MBNL3: variants seen among roughly 807,000 people sequenced by gnomAD.
The protein encoded by MBNL3 is muscleblind-like protein 3.
In MBNL3, 6 loss-of-function variants were observed where a neutral mutation model predicts 24.5. The ratio of observed to expected loss-of-function variants is 0.25; its 90% confidence interval spans 0.13 to 0.48. The LOEUF (loss-of-function observed/expected upper bound fraction) is 0.48. MBNL3 is among the 20% of genes least tolerant of loss of function. The pLI is 0.99. For missense variants in MBNL3, 230 were observed against 293.5 expected, an observed-to-expected ratio of 0.78 and a Z score of 1.58; for synonymous variants, 100 against 101.7, an observed-to-expected ratio of 0.98 and a Z score of 0.10.
At chrX:132,405,201 T>G (rs746212081) in intron 3 of MBNL3, among the ~76,000 whole-genome samples, 3 of 112,099 alleles carry the variant, frequency 2.7e-5, no homozygotes, top group Non-Finnish European at 5.6e-5. Context: ...TCTTACTAAT[T>G]TCTGCATAGG....
chrX:132,392,317 A>G lies in MBNL3; in HGVS notation c.360T>C (p.Thr120=), dbSNP rs779840141. 1.3e-5 allele frequency: 15 copies of G among 1,198,291 alleles called. No homozygotes were observed. In the East Asian group the frequency reaches 4.2e-4, roughly 33 times the overall value. The change falls in exon 4 of 9, where the codon ACT becomes ACC. Residue 120 remains threonine, a synonymous_variant. Coordinates refer to ENST00000370853, the MANE Select transcript of MBNL3 (RefSeq NM_001386889.1). ...TGGGAGGATTAGCTGGAATTGATGG[A>G]GTCATAGGAAAAGAACCCTGTATGT... ...QMSSLGSFPM[T]PSIPANPPMA...
rs962502220 is a variant in MBNL3, at chrX:132,371,082, G to C, written c.*8584C>G. The stretch of plus-strand genomic sequence containing the variant: ...TAGTGCTGGTATTATCAGACTCACA[G>C]AAACACCTACAAAACATTAAACGGC... On this transcript the variant is annotated 3_prime_UTR_variant, in exon 9 of 9. Coordinates refer to ENST00000370853, the MANE Select transcript of MBNL3 (RefSeq NM_001386889.1). 1 of 111,621 alleles carries C rather than the reference G, an allele frequency of 9.0e-6. No homozygotes were observed. The highest frequency in any genetic ancestry group is 2.8e-4 in the East Asian group (1 of 3,533). 9.2% of individuals were successfully genotyped at this position (111,621 alleles called of 1,213,427 possible).
intron 2 of MBNL3, among the ~76,000 whole-genome samples, chrX:132,410,408 C>T (rs1424323618): frequency 9.0e-6 from 1 of 111,329 alleles, no homozygotes. Flanking sequence ...CTGCAAATTA[C>T]CCTTTGTCAG....
At chrX:132,430,952 A>C (rs1217227075) in intron 2 of MBNL3, 1 of 110,956 alleles carries the variant, frequency 9.0e-6, no homozygotes, top group African/African-American at 3.3e-5. Context: ...AATGTTTTGT[A>C]TAGACAGGGT....
intron 2 of MBNL3, chrX:132,431,867 TAGTG>T (rs752347698): frequency 6.3e-5 from 7 of 111,838 alleles, no homozygotes; most frequent in African/African-American, 2.3e-4. Flanking sequence ...TTTCCTCTGA[TAGTG>T]AGAAAATAGG....
rs1430023176 is a variant in MBNL3, at chrX:132,371,280, A to G, written c.*8386T>C. 1 of 111,849 alleles carries G rather than the reference A, an allele frequency of 8.9e-6. No homozygotes were observed. The highest frequency in any genetic ancestry group is 3.2e-5 in the African/African-American group (1 of 30,803). The allele number at this position is 111,849 out of a possible 1,213,427, so 9.2% of individuals were successfully genotyped here. A position where few individuals can be genotyped will look rare whatever the true frequency, so the allele number is the denominator to read the frequency against. ...CACATCAGTAATACTTTGCTCTGCC[A>G]TAGCCTCTGATCTAAACTCTCTTCA... On this transcript the variant is annotated 3_prime_UTR_variant, in exon 9 of 9. Transcript: ENST00000370853.
At chrX:132,402,630 T>C (rs769993344) in intron 3 of MBNL3, among the ~76,000 whole-genome samples, 74 of 111,818 alleles carry the variant, frequency 6.6e-4, no homozygotes, top group African/African-American at 2.0e-3. Context: ...TTGTTTCACC[T>C]GCTGAACTTC....
intron 1 of MBNL3, among the ~76,000 whole-genome samples, chrX:132,455,808 A>T (rs1376842800): frequency 8.9e-6 from 1 of 112,023 alleles, no homozygotes; most frequent in Non-Finnish European, 1.9e-5. Context: ...TGTAGCTTTA[A>T]ATCCCTGGAG....
At position 132,446,982 on chromosome X, in the gene MBNL3, T is replaced by C. The variant is rs1195837862; in HGVS notation, c.-703-6668A>G. 5.4e-5 allele frequency among the ~76,000 whole-genome samples: 6 copies of C among 111,897 alleles called. No individual in the cohort carries two copies. The South Asian group carries it at 2.2e-3, about 41-fold the overall frequency. Reference sequence around the variant, plus strand: ...TTCTGCATATGGCTAGCCAGTTTTCTCAATACCATTTATTAAATAGGGAAT... The same window carrying C: ...TTCTGCATATGGCTAGCCAGTTTTCCCAATACCATTTATTAAATAGGGAAT... On this transcript the variant is annotated intron_variant, in intron 1 of 8. Coordinates refer to ENST00000370853, the MANE Select transcript of MBNL3 (RefSeq NM_001386889.1).
intron 4 of MBNL3, among the ~76,000 whole-genome samples, chrX:132,391,872 C>T (rs1937225314): frequency 8.9e-6 from 1 of 111,734 alleles, no homozygotes; most frequent in Non-Finnish European, 1.9e-5. Flanking sequence ...AAAGCTGGAG[C>T]CTAGGTAAAA....
At chrX:132,414,513 G>C (rs762875568) in intron 2 of MBNL3, among the ~76,000 whole-genome samples, 1 of 111,548 alleles carries the variant, frequency 9.0e-6, no homozygotes, top group African/African-American at 3.3e-5. Flanking sequence ...CTGGTCAATC[G>C]GGTATAAGAA....
At position 132,382,206 on chromosome X, in the gene MBNL3, G is replaced by A. The variant is rs749280959; in HGVS notation, c.1025C>T (p.Pro342Leu). ...SAATTPATSV[P>L]FAAPTTGNQL... ...ATTGCCTGTAGTTGGTGCAGCGAAC[G>A]GAACGCTGGTGGCAGGTGTTGTTGC... Residue 342 changes from proline (P) to leucine (L), a missense_variant, in exon 8 of 9, where the codon CCG (proline) becomes CTG (leucine). Transcript: ENST00000370853. 5.0e-6 allele frequency: 6 copies of A among 1,209,187 alleles called. No individual in the cohort carries two copies. Among genetic ancestry groups the A allele is most frequent in the African/African-American group, 1.7e-5 (1 of 57,223 alleles).
intron 2 of MBNL3, among the ~76,000 whole-genome samples, chrX:132,435,276 G>A (rs1042426674): frequency 9.0e-6 from 1 of 111,394 alleles, no homozygotes; most frequent in Admixed American, 9.5e-5. Context: ...CCCTTTAAAG[G>A]TTAGCATCAT....
intron 1 of MBNL3, among the ~76,000 whole-genome samples, chrX:132,449,548 T>C (rs1289919812): frequency 9.7e-6 from 1 of 103,280 alleles, no homozygotes; most frequent in East Asian, 3.1e-4. Context: ...TGTGTGTCTC[T>C]GCACATGAGA....
chrX:132,390,839 T>C lies in MBNL3; in HGVS notation c.771+8A>G. On this transcript the variant is annotated splice_region_variant and intron_variant, in intron 5 of 8. Transcript: ENST00000370853. ...TGAAACAGGCCACAAGTGCAGGCCT[T>C]TTCTTACCATGGCAGAGGCAGCTGA... 1.7e-6 allele frequency: 2 copies of C among 1,202,313 alleles called. No homozygotes were observed. The highest frequency in any genetic ancestry group is 1.1e-6 in the Non-Finnish European group (1 of 887,417).
chrX:132,407,581 T>C (rs1350792825), intron 2 of MBNL3, among the ~76,000 whole-genome samples: 1 of 112,158 alleles, frequency 8.9e-6, no homozygotes, highest in Non-Finnish European at 1.9e-5. Flanking sequence ...GTTAACCTAA[T>C]CCTCCTAAAT....
At chrX:132,412,436 C>T (rs938051678) in intron 2 of MBNL3, among the ~76,000 whole-genome samples, 4 of 112,500 alleles carry the variant, frequency 3.6e-5, no homozygotes, top group Non-Finnish European at 7.5e-5. Flanking sequence ...CCTGAAGCTA[C>T]TAAGACAAAG....
rs1933601707 is a variant in MBNL3 at position 132,371,418 on chromosome X, T to G, written c.*8248A>C. 8.9e-6 allele frequency: 1 copy of G among 112,412 alleles called. No homozygotes were observed. Among genetic ancestry groups the G allele is most frequent in the African/African-American group, 3.2e-5 (1 of 30,967 alleles). The allele number at this position is 112,412 out of a possible 1,213,427, so 9.3% of individuals were successfully genotyped here. A position where few individuals can be genotyped will look rare whatever the true frequency, so the allele number is the denominator to read the frequency against. On this transcript the variant is annotated 3_prime_UTR_variant, in exon 9 of 9. Transcript: ENST00000370853. ...CAGAATAAAGTATTACTAAATTACATTTACTTTCTTAAAGAACAAAAATGA... is the reference window on the plus strand; with the variant it reads ...CAGAATAAAGTATTACTAAATTACAGTTACTTTCTTAAAGAACAAAAATGA...
Position 132,439,331 on chromosome X carries a change from T to C in MBNL3, c.177+104A>G, listed in dbSNP as rs1945284631. ...TTTTTTGTTAAAAAAACAAAATTTATCACTTTCATGCTATTATTAATTTTA... is the reference window on the plus strand; with the variant it reads ...TTTTTTGTTAAAAAAACAAAATTTACCACTTTCATGCTATTATTAATTTTA... On this transcript the variant is annotated intron_variant, in intron 2 of 8. Transcript: ENST00000370853. 6 of 922,126 alleles carry C rather than the reference T, an allele frequency of 6.5e-6. No individual in the cohort carries two copies. The East Asian group carries it at 2.1e-4, about 32-fold the overall frequency. 76.0% of individuals were successfully genotyped at this position (922,126 alleles called of 1,213,427 possible). A position where few individuals can be genotyped will look rare whatever the true frequency, so the allele number is the denominator to read the frequency against.
Sources: gnomAD v4.1 joint callset for allele counts (sites outside exome capture counted in the v4.1 genomes callset) on GRCh38, gnomAD v4.1.1 for gene constraint, MANE v1.5 for transcripts, NCBI Gene and HGNC (gene_info 2026-07-23, HGNC 2026-07-21) for gene names.